Variants in INTS6 observed in about 807,000 individuals in gnomAD.
The protein encoded by INTS6 is integrator complex subunit 6.
In INTS6, 16 loss-of-function variants were observed where a neutral mutation model predicts 104.9. The ratio of observed to expected loss-of-function variants is 0.15; its 90% CI spans 0.10 to 0.23. INTS6 has a LOEUF of 0.23. INTS6 is among the 10% of genes least tolerant of loss of function. INTS6 has a pLI of 1.00. For synonymous variants in INTS6, 324 were observed against 358.7 expected, an observed-to-expected ratio of 0.90 and a Z score of 1.09; for missense variants, 584 against 1,062.8, an observed-to-expected ratio of 0.55 and a Z score of 6.26.
At chr13:51,418,879 C>T (rs1956844162) in intron 4 of INTS6, among the ~76,000 whole-genome samples, 1 of 152,144 alleles carries the variant, frequency 6.6e-6, no homozygotes, top group African/African-American at 2.4e-5. Flanking sequence ...AGTAAATTTA[C>T]AGAGTTGTAC....
intron 4 of INTS6, among the ~76,000 whole-genome samples, chr13:51,398,757 C>T (rs1242200962): frequency 6.7e-6 from 1 of 149,054 alleles, no homozygotes; most frequent in Non-Finnish European, 1.5e-5. Flanking sequence ...CAATTGACTA[C>T]AGCATTATTT....
chr13:51,447,591 G>A (rs1952944647), intron 3 of INTS6: 2 of 151,958 alleles, frequency 1.3e-5, no homozygotes, highest in African/African-American at 4.8e-5. Flanking sequence ...TAGTAGGAAA[G>A]GTGCCATTCT....
At chr13:51,375,407 T>C (rs1955900570) in intron 13 of INTS6, among the ~76,000 whole-genome samples, 1 of 151,722 alleles carries the variant, frequency 6.6e-6, no homozygotes, top group Non-Finnish European at 1.5e-5. Context: ...ATCTCTTCTC[T>C]TCTGCGCTAT....
chr13:51,408,639 A>G (rs1286077512), intron 4 of INTS6, among the ~76,000 whole-genome samples: 3 of 152,336 alleles, frequency 2.0e-5, no homozygotes, highest in Admixed American at 6.5e-5. Context: ...CTATTTGTGA[A>G]ACTAGGTTGT....
intron 15 of INTS6, among the ~76,000 whole-genome samples, chr13:51,371,969 T>C (rs1955815360): frequency 6.6e-6 from 1 of 152,164 alleles, no homozygotes; most frequent in African/African-American, 2.4e-5. Flanking sequence ...AATTTTGTGC[T>C]GAGTATGCCT....
chr13:51,444,110 G>T, intron 3 of INTS6: 1 of 152,572 alleles, frequency 6.6e-6, no homozygotes, highest in Non-Finnish European at 1.5e-5. Context: ...TTTTGAGACA[G>T]CCTATTGCCC....
Position 51,452,286 on chromosome 13 carries a change from G to A in INTS6, c.111+129C>T. On this transcript the variant is annotated intron_variant, in intron 1 of 17. Transcript: ENST00000311234. This position sits in a 1 kb window ranked among gnomAD's most constrained non-coding sequence, Gnocchi z 4.2. ...GCGCCCGCCCGCCCGCGCGGTGGGGGAGGGGGTCCCCGAGCCCGGCAGCTC... is the reference window on the plus strand; with the variant it reads ...GCGCCCGCCCGCCCGCGCGGTGGGGAAGGGGGTCCCCGAGCCCGGCAGCTC... 4 of 1,009,564 alleles carry A rather than the reference G, an allele frequency of 4.0e-6. No individual in the cohort carries two copies. Among genetic ancestry groups the A allele is most frequent in the Non-Finnish European group, 5.0e-6 (4 of 804,112 alleles). The allele number at this position is 1,009,564 out of a possible 1,614,324, so 62.5% of individuals were successfully genotyped here.
chr13:51,406,899 ATTT>A (rs562144778), intron 4 of INTS6, among the ~76,000 whole-genome samples: 5 of 135,846 alleles, frequency 3.7e-5, no homozygotes, highest in East Asian at 4.2e-4. Flanking sequence ...TTTTTTTGTG[ATTT>A]TTTTTTTTTT....
chr13:51,423,585 G>C (rs921524002), intron 4 of INTS6, among the ~76,000 whole-genome samples: 1 of 151,992 alleles, frequency 6.6e-6, no homozygotes, highest in Non-Finnish European at 1.5e-5. Flanking sequence ...ACTGCAGTCA[G>C]CACAGAAGTT....
At chr13:51,406,033 C>A (rs1330098667) in intron 4 of INTS6, among the ~76,000 whole-genome samples, 1 of 152,140 alleles carries the variant, frequency 6.6e-6, no homozygotes, top group African/African-American at 2.4e-5. Context: ...GGCTTTCATG[C>A]TGAAATATTT....
intron 3 of INTS6, chr13:51,446,553 G>A (rs1210012991): frequency 6.6e-6 from 1 of 152,034 alleles, no homozygotes; most frequent in African/African-American, 2.4e-5. Flanking sequence ...TTCATTTCAG[G>A]GTATATATCC....
chr13:51,425,383 G>A (rs533467339), intron 4 of INTS6, among the ~76,000 whole-genome samples: 19 of 152,188 alleles, frequency 1.2e-4, no homozygotes, highest in African/African-American at 3.8e-4. Context: ...AGCTGGGACA[G>A]CTAATAAGCA....
At chr13:51,427,654 C>T (rs1416243453) in intron 4 of INTS6, among the ~76,000 whole-genome samples, 1 of 152,138 alleles carries the variant, frequency 6.6e-6, no homozygotes, top group Admixed American at 6.5e-5. Context: ...TATGTTCCAA[C>T]TTCAAAATAA....
At chr13:51,337,987 T>C in the INTS6 span, among the ~76,000 whole-genome samples, 16 of 152,186 alleles carry the variant, frequency 1.1e-4, no homozygotes, top group Non-Finnish European at 1.5e-5. Flanking sequence ...CATCTTTCAT[T>C]CATTCACACT....
Position 51,383,655 on chromosome 13 carries a change from A to G in INTS6, c.981T>C (p.Tyr327=), listed in dbSNP as rs748909188. 5.0e-6 allele frequency: 8 copies of G among 1,613,888 alleles called. No homozygotes were observed. Among genetic ancestry groups the G allele is most frequent in the South Asian group, 1.1e-5 (1 of 91,084 alleles). Residue 327 remains tyrosine, a synonymous_variant, in exon 8 of 18, where the codon TAT becomes TAC. Coordinates refer to ENST00000311234, the MANE Select transcript of INTS6 (RefSeq NM_012141.3). ...MVIDKLPFDK[Y]ELEPSPLTQF... is the part of the protein sequence containing the mutation. ...GAGTCAGTGGTGAAGGTTCCAACTCATATTTGTCAAAAGGAAGTTTATCAA... is the reference window on the plus strand; with the variant it reads ...GAGTCAGTGGTGAAGGTTCCAACTCGTATTTGTCAAAAGGAAGTTTATCAA...
At position 51,363,444 on chromosome 13, in the gene INTS6, T is replaced by C. The variant is rs1253312645; in HGVS notation, c.*2308A>G. 6.6e-6 allele frequency: 1 copy of C among 151,742 alleles called. No individual in the cohort carries two copies. The highest frequency in any genetic ancestry group is 1.5e-5 in the Non-Finnish European group (1 of 67,854). 9.4% of individuals were successfully genotyped at this position (151,742 alleles called of 1,614,324 possible). ...AGTCTCAGCCTTCATTATTTCCAAC[T>C]GACAAATCTTACTAAGAGCAACTAA... On this transcript the variant is annotated 3_prime_UTR_variant, in exon 18 of 18. Coordinates refer to ENST00000311234, the MANE Select transcript of INTS6 (RefSeq NM_012141.3).
intron 4 of INTS6, among the ~76,000 whole-genome samples, chr13:51,419,043 G>A (rs923150633): frequency 6.6e-6 from 1 of 152,114 alleles, no homozygotes; most frequent in African/African-American, 2.4e-5. Flanking sequence ...GAGGTCCTTT[G>A]CATCTAGGGT....
intron 3 of INTS6, chr13:51,438,359 A>C (rs1360047466): frequency 6.6e-6 from 1 of 152,168 alleles, no homozygotes; most frequent in Admixed American, 6.5e-5. Context: ...TTAAAAAAAA[A>C]AAAGTTTTAT....
At chr13:51,374,572 GCTTA>G (rs1955879281) in intron 14 of INTS6, 78 bp downstream of exon 14, 2 of 1,551,516 alleles carry the variant, frequency 1.3e-6, no homozygotes, top group African/African-American at 2.7e-5. Flanking sequence ...AATAGCTTCA[GCTTA>G]CTTCAGTTAA....
Sources: gnomAD v4.1 joint callset for allele counts (sites outside exome capture counted in the v4.1 genomes callset) on GRCh38, gnomAD v4.1.1 for gene constraint, Gnocchi (gnomAD v3.1) non-coding constraint, MANE v1.5 for transcripts, NCBI Gene and HGNC (gene_info 2026-07-23, HGNC 2026-07-21) for gene names.